The following UBR4 variants were observed in gnomAD, a reference collection of about 807,000 sequenced individuals.
UBR4 encodes the protein E3 ubiquitin-protein ligase UBR4.
A neutral mutation model predicts 575.6 loss-of-function variants in UBR4; 124 were observed. The observed-to-expected ratio is 0.22, with a 90% confidence interval of 0.19 to 0.25. The LOEUF is 0.25. Ranked by LOEUF, UBR4 falls within the 10% of genes least tolerant of loss-of-function variation. UBR4 has a pLI of 1.00. For missense variants in UBR4, 4,818 were observed against 6,478.8 expected (o/e 0.74, Z 8.80); for synonymous variants, 2,455 against 2,473.7 (o/e 0.99, Z 0.22).
chr1:19,094,865 G>A (rs1233334677), intron 94 of UBR4, 41 bp downstream of exon 94: 1 of 1,609,046 alleles, frequency 6.2e-7, no homozygotes, highest in Non-Finnish European at 8.5e-7. Flanking sequence ...GACAGTGCAG[G>A]CTCTCAGTGC....
Position 19,164,373 on chromosome 1 carries a change from G to C in UBR4, c.4580C>G (p.Ala1527Gly). The change falls in exon 33 of 106, where the codon GCC (alanine) becomes GGC (glycine). Residue 1527 changes from alanine (A) to glycine (G), a missense_variant. By Grantham distance (60) the Ala-to-Gly change is moderately conservative. Around this residue, in one of 29 missense-constraint regions of UBR4, gnomAD observed 1,172 missense variants for 1,259.7 expected, o/e 0.93. Transcript: ENST00000375254. ...AGGGAAGCCAGTCCCATCACCGTTG[G>C]CCAGCATCTCTGTTGCCATGGGAGT... ...TLTPMATEML[A>G]NGDGTGFPEL... The C allele has an allele frequency of 6.2e-7, 1 of 1,614,172 alleles. No homozygotes were observed. Among genetic ancestry groups the C allele is most frequent in the Non-Finnish European group, 8.5e-7 (1 of 1,180,022 alleles).
At chr1:19,128,347 C>A in intron 61 of UBR4, 29 bp from the exon 62 acceptor site, 1 of 1,597,260 alleles carries the variant, frequency 6.3e-7, no homozygotes, top group Non-Finnish European at 8.6e-7. Flanking sequence ...AAACACAAAA[C>A]CCAATTTCCT....
chr1:19,134,087 A>G (rs1427778511), intron 60 of UBR4, among the ~76,000 whole-genome samples: 3 of 23,214 alleles, frequency 1.3e-4, no homozygotes, highest in Non-Finnish European at 2.6e-4. Context: ...CTCTGTCTCT[A>G]AAAAAAAAAA....
rs2084566438 is a variant in UBR4, at chr1:19,144,517, C to T, written c.8067+269G>A. 2.0e-5 allele frequency among the ~76,000 whole-genome samples: 3 copies of T among 152,196 alleles called. No homozygotes were observed. The South Asian group carries it at 6.2e-4, about 32-fold the overall frequency. On this transcript the variant is annotated intron_variant, in intron 54 of 105. Transcript: ENST00000375254. Reference sequence around the variant, plus strand: ...TTCATTCATGTGCTCATTTAAGTCACAATTCACCGAGTTACCTAGCACTTA... The same window carrying T: ...TTCATTCATGTGCTCATTTAAGTCATAATTCACCGAGTTACCTAGCACTTA...
At chr1:19,201,882 T>C (rs534863577) in intron 1 of UBR4, 67 bp from the exon 2 acceptor site, 8 of 1,342,112 alleles carry the variant, frequency 6.0e-6, no homozygotes, top group South Asian at 4.9e-5. Flanking sequence ...TACCCCTTTA[T>C]GGATATTACA....
chr1:19,180,646 GGCGTACCTA>G (rs2090848674), intron 17 of UBR4, among the ~76,000 whole-genome samples: 1 of 151,720 alleles, frequency 6.6e-6, no homozygotes, highest in East Asian at 1.9e-4. Context: ...CAAATCAAGG[GGCGTACCTA>G]GCCATATATA....
intron 15 of UBR4, 56 bp downstream of exon 15, chr1:19,185,043 T>G: frequency 6.2e-7 from 1 of 1,601,844 alleles, no homozygotes; most frequent in South Asian, 1.1e-5. Context: ...TATCTGCTTC[T>G]CATACCCCTA....
intron 58 of UBR4, among the ~76,000 whole-genome samples, chr1:19,140,016 A>G (rs116821478): frequency 1.1e-3 from 167 of 152,290 alleles, no homozygotes; most frequent in Admixed American, 2.3e-3. Flanking sequence ...AAAGAGACCT[A>G]AGAAAAGCAA....
Position 19,173,250 on chromosome 1 carries a change from C to G in UBR4, c.3222G>C (p.Leu1074=). The G allele has an allele frequency of 6.2e-7, 1 of 1,614,124 alleles. No homozygotes were observed. Reference sequence around the variant, plus strand: ...CTGAGCTACACTTAGTGGTGGATGCCAGTTCTAGAAGCGAGCTAGCATGCT... The same window carrying G: ...CTGAGCTACACTTAGTGGTGGATGCGAGTTCTAGAAGCGAGCTAGCATGCT... ...KAEHASSLLE[L]ASTTKCSSVK... is the part of the protein sequence containing the mutation. Residue 1074 remains leucine, a synonymous_variant, in exon 24 of 106, where the codon CTG becomes CTC. Transcript: ENST00000375254.
rs182737376 is a variant in UBR4, at chr1:19,152,609, C to T, written c.6833-133G>A. ...AAACTCTGGATTATAACATTTGCATCGGCATGATGCCTACATGTGGTTAGC... is the reference window on the plus strand; with the variant it reads ...AAACTCTGGATTATAACATTTGCATTGGCATGATGCCTACATGTGGTTAGC... On this transcript the variant is annotated intron_variant, in intron 46 of 105. Coordinates refer to ENST00000375254, the MANE Select transcript of UBR4 (RefSeq NM_020765.3). This position sits in a 1 kb window ranked among gnomAD's most constrained non-coding sequence, Gnocchi z 4.4. 2.5e-4 allele frequency: 297 copies of T among 1,193,468 alleles called. No individual in the cohort carries two copies. The highest frequency in any genetic ancestry group is 3.3e-4 in the Non-Finnish European group (277 of 847,960). 73.9% of individuals were successfully genotyped at this position (1,193,468 alleles called of 1,614,324 possible).
Position 19,093,177 on chromosome 1 carries a change from A to G in UBR4, c.14111+136T>C. The G allele has an allele frequency of 4.2e-6, 5 of 1,201,896 alleles. No individual in the cohort carries two copies. The highest frequency in any genetic ancestry group is 5.9e-6 in the Non-Finnish European group (5 of 848,428). The allele number at this position is 1,201,896 out of a possible 1,614,324, so 74.5% of individuals were successfully genotyped here. A position where few individuals can be genotyped will look rare whatever the true frequency, so the allele number is the denominator to read the frequency against. On this transcript the variant is annotated intron_variant, in intron 96 of 105. Coordinates refer to ENST00000375254, the MANE Select transcript of UBR4 (RefSeq NM_020765.3). This position sits in a 1 kb window ranked among gnomAD's most constrained non-coding sequence, Gnocchi z 4.8. ...GCAGTGGTTGAATGGTCACCCACAT[A>G]GTTTCCAGAAGCGGTTGGGAGGCCC...
Position 19,104,655 on chromosome 1 carries a change from A to G in UBR4, c.12657T>C (p.Arg4219=), listed in dbSNP as rs2078996566. Residue 4219 remains arginine (R), a synonymous_variant, in exon 86 of 106, where the codon CGT becomes CGC. Coordinates refer to ENST00000375254, the MANE Select transcript of UBR4 (RefSeq NM_020765.3). ...VGNLITKEIA[R]LLALEEATLS... ...GGGTAGCCTCCTCCAGGGCCAGCAG[A>G]CGAGCTATTTCCTAAACAGGATGAC... 6.2e-7 allele frequency: 1 copy of G among 1,614,098 alleles called. No homozygotes were observed. Among genetic ancestry groups the G allele is most frequent in the Non-Finnish European group, 8.5e-7 (1 of 1,179,996 alleles).
In UBR4 at chr1:19,093,618, A is replaced by G. The variant is rs1377290873; in HGVS notation, c.13938-132T>C. 2 of 999,916 alleles carry G rather than the reference A, an allele frequency of 2.0e-6. No homozygotes were observed. Among genetic ancestry groups the G allele is most frequent in the Non-Finnish European group, 1.4e-6 (1 of 691,060 alleles). 61.9% of individuals were successfully genotyped at this position (999,916 alleles called of 1,614,324 possible). A position where few individuals can be genotyped will look rare whatever the true frequency, so the allele number is the denominator to read the frequency against. ...ATTCCCTAACGTGACACAAAGACCT[A>G]TCTGCCCCGGCTCCTGCCACTCTCC... On this transcript the variant is annotated intron_variant, in intron 95 of 105. Coordinates refer to ENST00000375254, the MANE Select transcript of UBR4 (RefSeq NM_020765.3). The surrounding 1 kb of genome is among the most constrained non-coding windows in gnomAD (Gnocchi z 4.8).
At chr1:19,165,598 C>T (rs1261216843) in intron 30 of UBR4, 58 bp downstream of exon 30, 1 of 1,536,912 alleles carries the variant, frequency 6.5e-7, no homozygotes, top group Non-Finnish European at 9.0e-7. Flanking sequence ...ATATATAGCT[C>T]CTTGCTTTCA....
intron 75 of UBR4, 43 bp from the exon 76 acceptor site, chr1:19,114,113 G>A (rs1294701528): frequency 1.3e-6 from 2 of 1,592,800 alleles, no homozygotes; most frequent in Admixed American, 1.7e-5. Flanking sequence ...CTTTTTGGCT[G>A]ATGACTTTCC....
chr1:19,157,706 G>A lies in UBR4; in HGVS notation c.5760+109C>T, dbSNP rs1386151290. ...GTCCCTGAAGCATTCTTAGAACGCA[G>A]TGGACTTTTTCCCACAGAGGGCTAA... is the stretch of plus-strand genomic sequence containing the variant. On this transcript the variant is annotated intron_variant, in intron 40 of 105. Coordinates refer to ENST00000375254, the MANE Select transcript of UBR4 (RefSeq NM_020765.3). This position sits in a 1 kb window ranked among gnomAD's most constrained non-coding sequence, Gnocchi z 4.4. 1 of 1,389,262 alleles carries A rather than the reference G, an allele frequency of 7.2e-7. No homozygotes were observed. The highest frequency in any genetic ancestry group is 9.8e-7 in the Non-Finnish European group (1 of 1,025,046). 86.1% of individuals were successfully genotyped at this position (1,389,262 alleles called of 1,614,324 possible).
intron 77 of UBR4, 53 bp from the exon 78 acceptor site, chr1:19,112,920 G>A (rs560927000): frequency 1.6e-5 from 24 of 1,492,642 alleles, no homozygotes; most frequent in Non-Finnish European, 2.1e-5. Context: ...ATAAGAAGAG[G>A]ATGTTAATTA....
intron 32 of UBR4, 151 bp from the exon 33 acceptor site, chr1:19,164,592 C>T: frequency 8.8e-7 from 1 of 1,133,590 alleles, no homozygotes; most frequent in Non-Finnish European, 1.2e-6. Context: ...AACATTCATT[C>T]AGGTTGTAAC....
rs1160920471 is a variant in UBR4, at chr1:19,168,201, CAGATGTAAATGGAT to C, written c.3742-31_3742-18del. Reference sequence around the variant, plus strand: ...GGCATTGCGCTGAAAGGAAGCAAAGCAGATGTAAATGGATAGACCATCTACCCTGGAAAAAATTC... The same window carrying C: ...GGCATTGCGCTGAAAGGAAGCAAAGCAGACCATCTACCCTGGAAAAAATTC... On this transcript the variant is annotated intron_variant, in intron 27 of 105. Coordinates refer to ENST00000375254, the MANE Select transcript of UBR4 (RefSeq NM_020765.3). 4 of 1,555,802 alleles carry C rather than the reference CAGATGTAAATGGAT, an allele frequency of 2.6e-6. No homozygotes were observed. The highest frequency in any genetic ancestry group is 2.7e-5 in the African/African-American group (2 of 73,504).
Sources: allele counts gnomAD v4.1 joint callset (sites outside exome capture counted in the v4.1 genomes callset), GRCh38; gene constraint gnomAD v4.1.1; regional missense constraint gnomAD v4.1.1; non-coding constraint Gnocchi (gnomAD v3.1); transcripts MANE v1.5; gene names NCBI Gene and HGNC (gene_info 2026-07-23, HGNC 2026-07-21).